Variants in ARHGAP19 observed in about 807,000 individuals in gnomAD.
The protein encoded by ARHGAP19 is Rho GTPase activating protein 19, also known as rho GTPase-activating protein 19.
A neutral mutation model predicts 60.9 loss-of-function variants in ARHGAP19; 48 were observed. The ratio of observed to expected loss-of-function variants is 0.79; its 90% confidence interval spans 0.62 to 1.00. The LOEUF is 1.00. Among genes scored for constraint, ARHGAP19 ranks in the 50% least tolerant of loss-of-function variants. The pLI is 0.00. For missense variants in ARHGAP19, 562 were observed against 597.2 expected, an observed-to-expected ratio of 0.94 and a Z score of 0.61; for synonymous variants, 209 against 215.5, an observed-to-expected ratio of 0.97 and a Z score of 0.27.
intron 3 of ARHGAP19, among the ~76,000 whole-genome samples, chr10:97,264,305 T>C (rs1413777626): frequency 1.3e-5 from 2 of 152,018 alleles, no homozygotes; most frequent in Non-Finnish European, 2.9e-5. Context: ...CTACAAAAAG[T>C]AGCCGGGTGT....
chr10:97,265,132 A>C (rs1440662846), intron 2 of ARHGAP19, among the ~76,000 whole-genome samples: 2 of 152,182 alleles, frequency 1.3e-5, no homozygotes, highest in African/African-American at 2.4e-5. Context: ...GAAGGGAAAG[A>C]CCATCTTCTT....
intron 8 of ARHGAP19, among the ~76,000 whole-genome samples, chr10:97,237,799 A>T (rs964142062): frequency 1.3e-5 from 2 of 152,052 alleles, no homozygotes; most frequent in African/African-American, 4.8e-5. Flanking sequence ...TGAACCTGGG[A>T]GGCAGAGGTT....
At position 97,259,728 on chromosome 10, in the gene ARHGAP19, A is replaced by AG. The variant is rs1589463433; in HGVS notation, c.614-101dup. 27 of 824,456 alleles carry AG rather than the reference A, an allele frequency of 3.3e-5. No individual in the cohort carries two copies. In the East Asian group the frequency reaches 6.3e-4, roughly 19 times the overall value. The allele number at this position is 824,456 out of a possible 1,614,324, so 51.1% of individuals were successfully genotyped here. A position where few individuals can be genotyped will look rare whatever the true frequency, so the allele number is the denominator to read the frequency against. ...TCCCCTCAACTCCCATCAAAGAAAG[A>AG]GGGAAAAAAGATTCAGGCAGAAACA... On this transcript the variant is annotated intron_variant, in intron 4 of 11. Coordinates refer to ENST00000358531, the MANE Select transcript of ARHGAP19 (RefSeq NM_032900.6).
chr10:97,248,966 G>A (rs910105304), intron 6 of ARHGAP19, among the ~76,000 whole-genome samples: 2 of 152,040 alleles, frequency 1.3e-5, no homozygotes, highest in East Asian at 3.8e-4. Flanking sequence ...ACAGGAGTGT[G>A]CCATCACGCC....
At chr10:97,259,875 AC>A (rs1842806073) in intron 4 of ARHGAP19, among the ~76,000 whole-genome samples, 3 of 151,934 alleles carry the variant, frequency 2.0e-5, no homozygotes, top group African/African-American at 7.3e-5. Flanking sequence ...TTGCTCTGTC[AC>A]CCAGGCTGGA....
rs1359559518 is a variant in ARHGAP19 at position 97,224,911 on chromosome 10, T to C, written c.*1211A>G. 1 of 152,410 alleles carries C rather than the reference T, an allele frequency of 6.6e-6. No homozygotes were observed. Among genetic ancestry groups the C allele is most frequent in the East Asian group, 1.9e-4 (1 of 5,198 alleles). 9.4% of individuals were successfully genotyped at this position (152,410 alleles called of 1,614,324 possible). On this transcript the variant is annotated 3_prime_UTR_variant, in exon 12 of 12. Transcript: ENST00000358531. Reference sequence around the variant, plus strand: ...TCTCCAAATTACCACCTGTGTCCCTTCTGACAAAGAGAGGGCGGAACAGTA... The same window carrying C: ...TCTCCAAATTACCACCTGTGTCCCTCCTGACAAAGAGAGGGCGGAACAGTA...
chr10:97,240,637 CA>C (rs1036178725), intron 8 of ARHGAP19, among the ~76,000 whole-genome samples: 4 of 152,088 alleles, frequency 2.6e-5, no homozygotes, highest in Non-Finnish European at 5.9e-5. Flanking sequence ...GGCGACAGAG[CA>C]GAACTCTGTC....
chr10:97,250,061 G>A (rs572576928), intron 6 of ARHGAP19, among the ~76,000 whole-genome samples: 150 of 152,194 alleles, frequency 9.9e-4, no homozygotes, highest in African/African-American at 3.4e-3. Context: ...TGGGATTACA[G>A]GCGTGAGCCA....
chr10:97,273,980 A>C (rs80302143), intron 1 of ARHGAP19, among the ~76,000 whole-genome samples: 3 of 135,380 alleles, frequency 2.2e-5, no homozygotes, highest in South Asian at 2.4e-4. Context: ...CACACACACA[A>C]ACACACACAC....
At chr10:97,236,803 G>GAAAAAAAAA (rs71007323) in intron 8 of ARHGAP19, among the ~76,000 whole-genome samples, 11 of 80,036 alleles carry the variant, frequency 1.4e-4, no homozygotes, top group African/African-American at 4.6e-4. Context: ...AACAGACTCA[G>GAAAAAAAAA]AAAAAAAAAA....
rs534811957 is a variant in ARHGAP19 at position 97,246,220 on chromosome 10, A to G, written c.993+52T>C. The G allele has an allele frequency of 1.0e-5, 15 of 1,468,498 alleles. No homozygotes were observed. The South Asian group carries it at 1.4e-4, about 13-fold the overall frequency. The allele number at this position is 1,468,498 out of a possible 1,614,324, so 91.0% of individuals were successfully genotyped here. A position where few individuals can be genotyped will look rare whatever the true frequency, so the allele number is the denominator to read the frequency against. On this transcript the variant is annotated intron_variant, in intron 7 of 11. Coordinates refer to ENST00000358531, the MANE Select transcript of ARHGAP19 (RefSeq NM_032900.6). ...ACTTCATACTTTGTTTTAAGACTCC[A>G]CAAATCTTAATGCTCTCCTTGTTTG...
rs1564711843 is a variant in ARHGAP19 at position 97,235,237 on chromosome 10, AG to A, written c.1263del (p.Ser422ProfsTer15). ...CCTACCTTAATAAGCCCACTGAAGG[AG>A]CGCGAACGAGCCCTCTTTTGTACCT... is the stretch of plus-strand genomic sequence containing the variant. ...TSQVQKRARS[R>X]SFSGLIKRKV... On this transcript the variant is annotated frameshift_variant, in exon 9 of 12. Coordinates refer to ENST00000358531, the MANE Select transcript of ARHGAP19 (RefSeq NM_032900.6). LOFTEE classifies it high-confidence loss of function. 1 of 1,613,498 alleles carries A rather than the reference AG, an allele frequency of 6.2e-7. No individual in the cohort carries two copies.
intron 8 of ARHGAP19, among the ~76,000 whole-genome samples, chr10:97,242,658 A>G (rs1288708032): frequency 6.6e-6 from 1 of 152,132 alleles, no homozygotes; most frequent in African/African-American, 2.4e-5. Flanking sequence ...GATTACAAGC[A>G]TGTGCCACCA....
At chr10:97,236,571 A>C (rs1464100553) in intron 8 of ARHGAP19, among the ~76,000 whole-genome samples, 1 of 152,068 alleles carries the variant, frequency 6.6e-6, no homozygotes, top group Non-Finnish European at 1.5e-5. Flanking sequence ...AACTGGCAAA[A>C]TGTTCTGGGA....
chr10:97,245,527 TGAGAGAACCAGG>T (rs1317677349), intron 7 of ARHGAP19, among the ~76,000 whole-genome samples: 1 of 142,204 alleles, frequency 7.0e-6, no homozygotes, highest in African/African-American at 2.6e-5. Context: ...GAGGCTGAGG[TGAGAGAACCAGG>T]GAGCCAAGAT....
In ARHGAP19 at chr10:97,277,636, T is replaced by TAAAA. The variant is rs1843036382; in HGVS notation, c.57-11515_57-11512dup. 2.7e-5 allele frequency: 4 copies of TAAAA among 148,920 alleles called. 2 individuals carry two copies. Among genetic ancestry groups the TAAAA allele is most frequent in the African/African-American group, 9.8e-5 (4 of 40,776 alleles). The allele number at this position is 148,920 out of a possible 1,614,324, so 9.2% of individuals were successfully genotyped here. A position where few individuals can be genotyped will look rare whatever the true frequency, so the allele number is the denominator to read the frequency against. ...AAAATAAATAAATAAATAAAAAAAA[T>TAAAA]AAAATAAAGCACTGTTAATAATAGC... On this transcript the variant is annotated intron_variant, in intron 1 of 11. Transcript: ENST00000358531.
chr10:97,259,992 C>G (rs539043129), intron 4 of ARHGAP19, among the ~76,000 whole-genome samples: 2 of 151,770 alleles, frequency 1.3e-5, no homozygotes, highest in African/African-American at 4.8e-5. Context: ...CCCGCCACCA[C>G]GCCCGGCTAA....
chr10:97,285,519 C>CA (rs1843143439), intron 1 of ARHGAP19, among the ~76,000 whole-genome samples: 1 of 110,950 alleles, frequency 9.0e-6, no homozygotes, highest in Non-Finnish European at 1.9e-5. Flanking sequence ...TTTTTTTTTG[C>CA]TTTTTTTTTT....
At chr10:97,271,512 T>A (rs1842959006) in intron 1 of ARHGAP19, among the ~76,000 whole-genome samples, 2 of 152,060 alleles carry the variant, frequency 1.3e-5, no homozygotes, top group East Asian at 1.9e-4. Flanking sequence ...ATTAGTCAAA[T>A]GACATGATCA....
Sources: gnomAD v4.1 joint callset for allele counts (sites outside exome capture counted in the v4.1 genomes callset) on GRCh38, gnomAD v4.1.1 for gene constraint, MANE v1.5 for transcripts, NCBI Gene and HGNC (gene_info 2026-07-23, HGNC 2026-07-21) for gene names.